BOC: variants seen among roughly 807,000 people sequenced by gnomAD.
BOC encodes the protein BOC cell adhesion associated, oncogene regulated.
In BOC, 76 loss-of-function variants were observed where a neutral mutation model predicts 112.0. The observed-to-expected ratio is 0.68, with a 90% CI of 0.56 to 0.82. BOC has a LOEUF of 0.82. Ranked by LOEUF, BOC falls within the 40% of genes least tolerant of loss-of-function variation. The pLI is 0.00. For missense variants in BOC, 1,309 were observed against 1,511.7 expected (o/e 0.87, Z 2.22); for synonymous variants, 580 against 599.8 (o/e 0.97, Z 0.48).
intron 15 of BOC, among the ~76,000 whole-genome samples, chr3:113,282,535 A>G (rs771420478): frequency 6.6e-6 from 1 of 152,224 alleles, no homozygotes; most frequent in African/African-American, 2.4e-5. Flanking sequence ...TTGGAGGCTT[A>G]CTGAGTCTTT....
intron 6 of BOC, chr3:113,271,385 G>A (rs1482208325): frequency 5.5e-6 from 2 of 360,814 alleles, no homozygotes; most frequent in African/African-American, 4.2e-5. Flanking sequence ...GATGAGGTGT[G>A]CCCTGCACCA....
At chr3:113,251,286 G>A (rs1945611089) in intron 4 of BOC, 4 of 270,160 alleles carry the variant, frequency 1.5e-5, no homozygotes, top group South Asian at 7.2e-5. Context: ...GCAGGGCCAC[G>A]TGTAGTCTGG....
At position 113,279,468 on chromosome 3, in the gene BOC, C is replaced by T; in HGVS notation, c.2023+13C>T. The T allele has an allele frequency of 6.2e-7, 1 of 1,611,986 alleles. No homozygotes were observed. The stretch of plus-strand genomic sequence containing the variant: ...GGCCTAGAGAAAGGTAGGGGCCTGG[C>T]CACACCGTGGCCTTGGCCTGATCCC... On this transcript the variant is annotated intron_variant, in intron 12 of 19. Coordinates refer to ENST00000682979, the MANE Select transcript of BOC (RefSeq NM_001378074.1).
chr3:113,225,602 T>TA (rs571472602), intron 2 of BOC, among the ~76,000 whole-genome samples: 114 of 152,380 alleles, frequency 7.5e-4, no homozygotes, highest in South Asian at 1.2e-3. Context: ...CAGTATTATA[T>TA]ATTTGCCTGG....
intron 4 of BOC, among the ~76,000 whole-genome samples, chr3:113,259,394 G>T (rs1427851951): frequency 6.6e-6 from 1 of 152,220 alleles, no homozygotes. Flanking sequence ...GGAGCCTTTT[G>T]CACCAGAAGC....
chr3:113,283,581 A>C lies in BOC; in HGVS notation c.2605A>C (p.Ile869Leu), dbSNP rs749200746. Residue 869 changes from isoleucine (I) to leucine (L), a missense_variant, in exon 16 of 20, where the codon ATC becomes CTC. By Grantham distance (5) the Ile-to-Leu change is conservative. Coordinates refer to ENST00000682979, the MANE Select transcript of BOC (RefSeq NM_001378074.1). ...VGVVLGSIVL[I>L]IVTFIPFCLW... ...GGTCGTCCTGGGCTCCATCGTTCTCATCATCGTCACCTTCATCCCCTTCTG... is the reference window on the plus strand; with the variant it reads ...GGTCGTCCTGGGCTCCATCGTTCTCCTCATCGTCACCTTCATCCCCTTCTG... The C allele has an allele frequency of 9.3e-6, 15 of 1,613,570 alleles. No individual in the cohort carries two copies. Among genetic ancestry groups the C allele is most frequent in the Non-Finnish European group, 1.3e-5 (15 of 1,179,884 alleles).
intron 2 of BOC, among the ~76,000 whole-genome samples, chr3:113,228,535 A>G (rs1036984369): frequency 6.6e-6 from 1 of 152,222 alleles, no homozygotes; most frequent in African/African-American, 2.4e-5. Context: ...CTGGGTGGCC[A>G]TAAGCAGCCT....
In BOC at chr3:113,286,676, G is replaced by A. The variant is rs756074708; in HGVS notation, c.3162G>A (p.Gly1054=). The change falls in exon 20 of 20, where the codon GGG becomes GGA. Residue 1054 remains glycine, a splice_region_variant and synonymous_variant. Coordinates refer to ENST00000682979, the MANE Select transcript of BOC (RefSeq NM_001378074.1). The stretch of plus-strand genomic sequence containing the variant: ...GGTTCCTACTCTTTCTCCCCTCAGG[G>A]CCCCCATGCTGCTTGGGCCTTGTGC... ...EAVWDPPFHS[G]PPCCLGLVPV... 6.4e-7 allele frequency: 1 copy of A among 1,572,644 alleles called. No homozygotes were observed. Among genetic ancestry groups the A allele is most frequent in the Non-Finnish European group, 8.6e-7 (1 of 1,161,116 alleles).
At chr3:113,246,485 G>C (rs971106549) in intron 2 of BOC, among the ~76,000 whole-genome samples, 2 of 151,948 alleles carry the variant, frequency 1.3e-5, no homozygotes, top group South Asian at 4.1e-4. Context: ...CTTTTTTCCC[G>C]AAACATTAAA....
At chr3:113,283,718 T>G (rs915366944) in intron 16 of BOC, 86 bp downstream of exon 16, 1 of 1,326,706 alleles carries the variant, frequency 7.5e-7, no homozygotes, top group African/African-American at 1.5e-5. Context: ...TCTGTGTCCA[T>G]GGAAAGCTCA....
intron 2 of BOC, among the ~76,000 whole-genome samples, chr3:113,237,473 C>G (rs1339690391): frequency 6.6e-6 from 1 of 152,168 alleles, no homozygotes; most frequent in East Asian, 1.9e-4. Flanking sequence ...ATGGTCTCAT[C>G]CTAGATTAGA....
intron 2 of BOC, among the ~76,000 whole-genome samples, chr3:113,241,451 CACTT>C (rs1465199166): frequency 6.6e-6 from 1 of 152,112 alleles, no homozygotes; most frequent in Admixed American, 6.5e-5. Context: ...TCCTACTTCT[CACTT>C]CTCCCCAGCC....
intron 12 of BOC, 65 bp from the exon 13 acceptor site, chr3:113,279,759 A>C: frequency 6.0e-6 from 9 of 1,505,652 alleles, no homozygotes; most frequent in South Asian, 1.3e-5. Context: ...TGGGCCTTGA[A>C]AGGCCATGGG....
At position 113,276,195 on chromosome 3, in the gene BOC, A is replaced by G. The variant is rs1400724234; in HGVS notation, c.1542+1513A>G. Among the ~76,000 whole-genome samples, 8 of 152,342 alleles carry G rather than the reference A, an allele frequency of 5.3e-5. No individual in the cohort carries two copies. In the South Asian group the frequency reaches 1.0e-3, roughly 20 times the overall value. ...AGACAAAACCCAGCATGAGAGCAAG[A>G]CTAATATTTTTCAGGCCAATAGGTG... On this transcript the variant is annotated intron_variant, in intron 9 of 19. Transcript: ENST00000682979.
At chr3:113,272,331 C>T (rs2107659050) in intron 6 of BOC, 79 bp from the exon 7 acceptor site, 1 of 1,500,814 alleles carries the variant, frequency 6.7e-7, no homozygotes, top group East Asian at 2.3e-5. Context: ...TCCATGCTCT[C>T]TGGGACTGCC....
intron 2 of BOC, among the ~76,000 whole-genome samples, chr3:113,242,821 G>A (rs528466323): frequency 2.0e-5 from 3 of 152,064 alleles, no homozygotes; most frequent in South Asian, 2.1e-4. Flanking sequence ...GTTCTTTTAC[G>A]TAAGTCTCCA....
In BOC at chr3:113,270,789, C is replaced by T. The variant is rs760125255; in HGVS notation, c.524-12C>T. The T allele has an allele frequency of 7.5e-6, 12 of 1,602,064 alleles. No homozygotes were observed. Among genetic ancestry groups the T allele is most frequent in the Middle Eastern group, 1.7e-4 (1 of 5,988 alleles). ...CCCATCCCATCTTCCCCTGGCCCTG[C>T]CCTTTCCACAGGTAACTACCTGATC... On this transcript the variant is annotated splice_polypyrimidine_tract_variant and intron_variant, in intron 5 of 19. Transcript: ENST00000682979.
At chr3:113,271,217 T>C (rs1449046650) in intron 6 of BOC, 1 of 622,246 alleles carries the variant, frequency 1.6e-6, no homozygotes, top group Non-Finnish European at 3.0e-6. Flanking sequence ...ACTTTGCGAT[T>C]GGGATGGGTC....
chr3:113,218,009 G>C (rs1939796473), intron 2 of BOC, among the ~76,000 whole-genome samples: 1 of 152,134 alleles, frequency 6.6e-6, no homozygotes. Context: ...ACCGTCTGTG[G>C]CTCTGAAATC....
Sources: allele counts gnomAD v4.1 joint callset (sites outside exome capture counted in the v4.1 genomes callset), GRCh38; gene constraint gnomAD v4.1.1; transcripts MANE v1.5; gene names NCBI Gene and HGNC (gene_info 2026-07-23, HGNC 2026-07-21).